Variants in DMD observed in about 807,000 individuals in gnomAD.
The protein encoded by DMD is mutant dystrophin.
In DMD, 63 loss-of-function variants were observed where a neutral mutation model predicts 330.1. The observed-to-expected ratio is 0.19, with a 90% confidence interval of 0.16 to 0.24. DMD has a LOEUF of 0.24. Among genes scored for constraint, DMD ranks in the 10% least tolerant of loss-of-function variants. The pLI is 1.00. For synonymous variants in DMD, 1,223 were observed against 959.8 expected, an observed-to-expected ratio of 1.27 and a Z score of -5.07; for missense variants, 3,344 against 2,684.1, an observed-to-expected ratio of 1.25 and a Z score of -5.43.
rs187337111 is a variant in DMD, at chrX:32,691,240, G to T, written c.960+6630C>A. Among the ~76,000 whole-genome samples, 371 of 108,951 alleles carry T rather than the reference G, an allele frequency of 3.4e-3. 1 individual carries two copies. Among genetic ancestry groups the T allele is most frequent in the Non-Finnish European group, 5.4e-3 (282 of 52,365 alleles). The allele number at this position is 108,951 out of a possible 115,157, so 94.6% of individuals were successfully genotyped here. A position where few individuals can be genotyped will look rare whatever the true frequency, so the allele number is the denominator to read the frequency against. ...CATCAGGGCTTAGGTAAGATTTTGT[G>T]ATCAGACCTGAAGACCTTATATTAT... On this transcript the variant is annotated intron_variant, in intron 9 of 78. Transcript: ENST00000357033.
Position 32,449,869 on chromosome X carries a change from G to A in DMD, c.3604-1231C>T, listed in dbSNP as rs754110892. On this transcript the variant is annotated intron_variant, in intron 26 of 78. Transcript: ENST00000357033. ...GTGCCATGTAAAAGAAATTCTGGTA[G>A]CTGAATGGGGAATTGAGACAAGAAA... Among the ~76,000 whole-genome samples the A allele has an allele frequency of 6.3e-5, 7 of 110,745 alleles. No homozygotes were observed. The South Asian group carries it at 1.1e-3, about 18-fold the overall frequency.
In DMD at chrX:32,850,713, G is replaced by C. The variant is rs764722177; in HGVS notation, c.94-893C>G. On this transcript the variant is annotated intron_variant, in intron 2 of 78. Coordinates refer to ENST00000357033, the MANE Select transcript of DMD (RefSeq NM_004006.3). ...CTATTTGATTATCTTTCTAACATTTGTCTTTCTTTTGTCATACTTCACCAA... is the reference window on the plus strand; with the variant it reads ...CTATTTGATTATCTTTCTAACATTTCTCTTTCTTTTGTCATACTTCACCAA... 6.3e-5 allele frequency among the ~76,000 whole-genome samples: 7 copies of C among 111,385 alleles called. No individual in the cohort carries two copies. The South Asian group carries it at 2.6e-3, about 42-fold the overall frequency.
At chrX:32,586,262 G>C (rs5972608) in intron 13 of DMD, among the ~76,000 whole-genome samples, 6 of 109,310 alleles carry the variant, frequency 5.5e-5, no homozygotes, top group Non-Finnish European at 9.5e-5. Context: ...GAACAGTGTC[G>C]TTCTAGAAAA....
intron 74 of DMD, 21 bp from the exon 75 acceptor site, chrX:31,147,539 A>C (rs2036866453): frequency 1.0e-6 from 1 of 979,546 alleles, no homozygotes; most frequent in Non-Finnish European, 1.4e-6. Context: ...CAAAAAAGTA[A>C]AAAAGAAAAA....
chrX:32,407,329 A>C (rs773960268), intron 30 of DMD, among the ~76,000 whole-genome samples: 114 of 112,038 alleles, frequency 1.0e-3, no homozygotes, highest in African/African-American at 3.6e-3. Flanking sequence ...ATGAACAGAC[A>C]CTTCTCAAAA....
chrX:32,909,074 TCTAA>T (rs1292416593), intron 2 of DMD, among the ~76,000 whole-genome samples: 1 of 108,435 alleles, frequency 9.2e-6, no homozygotes, highest in Non-Finnish European at 1.9e-5. Flanking sequence ...CCTGGTACCA[TCTAA>T]CTGTTTTGTT....
chrX:33,137,543 A>G (rs1299506715), intron 1 of DMD, among the ~76,000 whole-genome samples: 1 of 112,225 alleles, frequency 8.9e-6, no homozygotes, highest in Non-Finnish European at 1.9e-5. Flanking sequence ...ACCAAGTGAA[A>G]TCACCATGTT....
intron 60 of DMD, among the ~76,000 whole-genome samples, chrX:31,417,968 C>T (rs1444417579): frequency 9.4e-6 from 1 of 106,647 alleles, no homozygotes; most frequent in East Asian, 2.9e-4. Flanking sequence ...GGATTACAGG[C>T]GTGAGCCACC....
chrX:32,923,899 T>C (rs745632170), intron 2 of DMD, among the ~76,000 whole-genome samples: 1 of 111,840 alleles, frequency 8.9e-6, no homozygotes, highest in Non-Finnish European at 1.9e-5. Flanking sequence ...AGATAGATTA[T>C]CACTTTTAAT....
chrX:31,799,684 A>C (rs1263752622), intron 50 of DMD, among the ~76,000 whole-genome samples: 1 of 111,790 alleles, frequency 8.9e-6, no homozygotes, highest in Non-Finnish European at 1.9e-5. Context: ...TCATTCCAAC[A>C]TTAACCCAAA....
At chrX:32,123,243 A>ATATATATAT (rs1491535545) in intron 44 of DMD, among the ~76,000 whole-genome samples, 230 of 82,715 alleles carry the variant, frequency 2.8e-3, no homozygotes, top group African/African-American at 3.3e-3. Context: ...ATATATATAT[A>ATATATATAT]AATGATCAAA....
intron 60 of DMD, among the ~76,000 whole-genome samples, chrX:31,378,049 G>A (rs373732483): frequency 1.8e-5 from 2 of 110,809 alleles, no homozygotes; most frequent in East Asian, 2.8e-4. Context: ...TTATAAAACG[G>A]CCCCACCCCT....
chrX:32,689,894 G>C, intron 9 of DMD, among the ~76,000 whole-genome samples: 1 of 110,572 alleles, frequency 9.0e-6, no homozygotes, highest in Middle Eastern at 4.7e-3. Context: ...ACTAGGAATA[G>C]AAGGAAATTG....
intron 37 of DMD, among the ~76,000 whole-genome samples, chrX:32,362,193 C>T (rs2097838796): frequency 9.0e-6 from 1 of 111,349 alleles, no homozygotes; most frequent in Admixed American, 9.6e-5. Context: ...GTTTTCATGG[C>T]GTGATCATTT....
intron 34 of DMD, among the ~76,000 whole-genome samples, chrX:32,373,870 A>G (rs1187326963): frequency 9.0e-6 from 1 of 111,636 alleles, no homozygotes; most frequent in Non-Finnish European, 1.9e-5. Flanking sequence ...TAATCCTCAT[A>G]TTGAGGATCC....
intron 1 of DMD, among the ~76,000 whole-genome samples, chrX:33,164,318 G>T (rs1248520611): frequency 8.9e-6 from 1 of 111,958 alleles, no homozygotes; most frequent in African/African-American, 3.2e-5. Flanking sequence ...CCATTTCTGA[G>T]CTTTAAGCTA....
intron 55 of DMD, among the ~76,000 whole-genome samples, chrX:31,556,971 T>C (rs2074879445): frequency 8.9e-6 from 1 of 112,389 alleles, no homozygotes. Flanking sequence ...TTCTGCTAGA[T>C]ACTGCAGGGG....
chrX:32,934,880 G>A (rs1018893917), intron 2 of DMD, among the ~76,000 whole-genome samples: 9 of 112,191 alleles, frequency 8.0e-5, no homozygotes, highest in African/African-American at 2.9e-4. Flanking sequence ...TGGTTTTTTC[G>A]ATTTATCACA....
intron 7 of DMD, among the ~76,000 whole-genome samples, chrX:32,765,174 T>C (rs931792075): frequency 1.6e-4 from 17 of 107,912 alleles, no homozygotes; most frequent in African/African-American, 5.4e-4. Context: ...GATGATATAA[T>C]TTAACTGTGT....
Sources: allele counts gnomAD v4.1 joint callset (sites outside exome capture counted in the v4.1 genomes callset), GRCh38; gene constraint gnomAD v4.1.1; transcripts MANE v1.5; gene names NCBI Gene and HGNC (gene_info 2026-07-23, HGNC 2026-07-21).